Variants in CPNE9 observed in about 807,000 individuals in gnomAD.
CPNE9 encodes the protein copine family member 9.
Under a neutral mutation model 83.0 loss-of-function variants are expected in CPNE9, and 59 were observed. That is an observed-to-expected ratio of 0.71 (90% CI 0.58 to 0.88). The LOEUF (loss-of-function observed/expected upper bound fraction) is 0.88, where lower values mean the gene tolerates loss of function less well. Among genes scored for constraint, CPNE9 ranks in the 40% least tolerant of loss-of-function variants. The pLI, the probability that CPNE9 is intolerant of heterozygous loss-of-function variation, is 0.00. For synonymous variants in CPNE9, 256 were observed against 273.4 expected (o/e 0.94, Z 0.63); for missense variants, 619 against 720.8 (o/e 0.86, Z 1.62).
At chr3:9,724,603 T>C (rs1423255236) in intron 17 of CPNE9, among the ~76,000 whole-genome samples, 2 of 152,190 alleles carry the variant, frequency 1.3e-5, no homozygotes, top group African/African-American at 2.4e-5. Context: ...CTATAGCGCC[T>C]TTTTCCTTGC....
intron 6 of CPNE9, 59 bp from the exon 7 acceptor site, chr3:9,705,928 C>T (rs1000063463): frequency 5.8e-5 from 91 of 1,566,040 alleles, no homozygotes; most frequent in Non-Finnish European, 6.9e-5. Flanking sequence ...ATCACTGGGG[C>T]TAGGCTGGGA....
chr3:9,704,240 AG>A lies in CPNE9; in HGVS notation c.68+177del, dbSNP rs775907962. Among the ~76,000 whole-genome samples, 11 of 152,178 alleles carry A rather than the reference AG, an allele frequency of 7.2e-5. No individual in the cohort carries two copies. Among genetic ancestry groups the A allele is most frequent in the Non-Finnish European group, 1.3e-4 (9 of 68,016 alleles). On this transcript the variant is annotated intron_variant, in intron 1 of 20. Coordinates refer to ENST00000383832, the MANE Select transcript of CPNE9 (RefSeq NM_153635.3). This position sits in a 1 kb window ranked among gnomAD's most constrained non-coding sequence, Gnocchi z 7.1. ...GATCGAGAAGCGGGGGGTCTTGGGC[AG>A]CCCCACCCCGAAAAAAGGGCTCAGC...
At chr3:9,709,857 G>A (rs1008334073) in intron 7 of CPNE9, among the ~76,000 whole-genome samples, 2 of 151,794 alleles carry the variant, frequency 1.3e-5, no homozygotes, top group African/African-American at 2.4e-5. Context: ...GGGCATGGTG[G>A]AGCGTGCCTG....
At chr3:9,715,158 C>T (rs1410158952) in intron 11 of CPNE9, 131 bp from the exon 12 acceptor site, 5 of 1,070,422 alleles carry the variant, frequency 4.7e-6, no homozygotes, top group Non-Finnish European at 6.9e-6. Context: ...GTTTGGCCTC[C>T]CTTATGGCCC....
chr3:9,709,769 C>G (rs1481030206), intron 7 of CPNE9, among the ~76,000 whole-genome samples: 1 of 151,764 alleles, frequency 6.6e-6, no homozygotes, highest in Non-Finnish European at 1.5e-5. Context: ...GCAGGTGTAT[C>G]ACCTGAGGTC....
chr3:9,715,663 C>A, intron 13 of CPNE9, 137 bp downstream of exon 13: 1 of 744,036 alleles, frequency 1.3e-6, no homozygotes, highest in Admixed American at 2.6e-5. Context: ...GCACAAGGAG[C>A]ACCACTTAAG....
rs370511024 is a variant in CPNE9, at chr3:9,704,241, G to A, written c.68+177G>A. 1.3e-5 allele frequency among the ~76,000 whole-genome samples: 2 copies of A among 152,280 alleles called. No individual in the cohort carries two copies. Among genetic ancestry groups the A allele is most frequent in the South Asian group, 2.1e-4 (1 of 4,830 alleles). ...ATCGAGAAGCGGGGGGTCTTGGGCA[G>A]CCCCACCCCGAAAAAAGGGCTCAGC... On this transcript the variant is annotated intron_variant, in intron 1 of 20. Coordinates refer to ENST00000383832, the MANE Select transcript of CPNE9 (RefSeq NM_153635.3). The surrounding 1 kb of genome is among the most constrained non-coding windows in gnomAD (Gnocchi z 7.1).
intron 11 of CPNE9, 130 bp downstream of exon 11, chr3:9,715,085 T>G: frequency 1.1e-6 from 1 of 945,534 alleles, no homozygotes; most frequent in Admixed American, 2.2e-5. Flanking sequence ...CACCAGTGTC[T>G]TGGGTACAAC....
chr3:9,723,391 G>A (rs537171297), intron 17 of CPNE9, among the ~76,000 whole-genome samples: 2 of 151,894 alleles, frequency 1.3e-5, no homozygotes, highest in Non-Finnish European at 2.9e-5. Context: ...AGAATCCCTT[G>A]AACCCAGGAG....
At chr3:9,713,153 G>C in intron 10 of CPNE9, 74 bp downstream of exon 10, 1 of 1,122,134 alleles carries the variant, frequency 8.9e-7, no homozygotes, top group Non-Finnish European at 1.3e-6. Context: ...AAGAATGATA[G>C]TAGAAGTATC....
At position 9,704,912 on chromosome 3, in the gene CPNE9, G is replaced by C; in HGVS notation, c.178G>C (p.Asp60His). ...CCAGTTCGGACGGACCGAGGTGATT[G>C]ATAACACGCTGAACCCAGACTTCGT... ...WREFGRTEVIDNTLNPDFVRK... is the reference protein window; with the variant it reads ...WREFGRTEVIHNTLNPDFVRK... Residue 60 changes from aspartate (D) to histidine (H), a missense_variant, in exon 4 of 21, where the codon GAT (aspartate) becomes CAT (histidine). Coordinates refer to ENST00000383832, the MANE Select transcript of CPNE9 (RefSeq NM_153635.3). The surrounding 1 kb of genome is among the most constrained non-coding windows in gnomAD (Gnocchi z 7.1). The C allele has an allele frequency of 6.2e-7, 1 of 1,613,406 alleles. No individual in the cohort carries two copies. Among genetic ancestry groups the C allele is most frequent in the South Asian group, 1.1e-5 (1 of 91,030 alleles).
At chr3:9,705,810 A>T in intron 6 of CPNE9, 90 bp downstream of exon 6, 1 of 1,464,942 alleles carries the variant, frequency 6.8e-7, no homozygotes, top group Admixed American at 1.7e-5. Flanking sequence ...CAAGGCAGAG[A>T]TTGCTCGCAG....
Position 9,709,253 on chromosome 3 carries a change from G to A in CPNE9, c.377+3190G>A, listed in dbSNP as rs373455496. Among the ~76,000 whole-genome samples, 274 of 142,746 alleles carry A rather than the reference G, an allele frequency of 1.9e-3. 2 individuals are homozygous for A. The highest frequency in any genetic ancestry group is 0.011 in the East Asian group (50 of 4,638). The allele number at this position is 142,746 out of a possible 152,430, so 93.6% of individuals were successfully genotyped here. On this transcript the variant is annotated intron_variant, in intron 7 of 20. Transcript: ENST00000383832. ...ATCACGCTACTGCACTCCAGCCTGG[G>A]CAACAGAGGGAGACTCCATCTCAAA... is the stretch of plus-strand genomic sequence containing the variant.
In CPNE9 at chr3:9,718,463, A is replaced by T. The variant is rs1446105580; in HGVS notation, c.1114-12A>T. Reference sequence around the variant, plus strand: ...GCATGGGCTCAGCCTGGCAGGGCATATTCTTTGACAGAACAACAATGATGA... The same window carrying T: ...GCATGGGCTCAGCCTGGCAGGGCATTTTCTTTGACAGAACAACAATGATGA... On this transcript the variant is annotated splice_polypyrimidine_tract_variant and intron_variant, in intron 16 of 20. Transcript: ENST00000383832. 6.2e-7 allele frequency: 1 copy of T among 1,611,064 alleles called. No individual in the cohort carries two copies. Among genetic ancestry groups the T allele is most frequent in the Non-Finnish European group, 8.5e-7 (1 of 1,178,378 alleles).
intron 17 of CPNE9, among the ~76,000 whole-genome samples, chr3:9,724,235 A>G (rs1458092671): frequency 6.6e-6 from 1 of 150,876 alleles, no homozygotes; most frequent in Non-Finnish European, 1.5e-5. Flanking sequence ...ACTGGACTCA[A>G]TGACTTCTGA....
chr3:9,717,143 G>T (rs1033437897), intron 15 of CPNE9, 39 bp downstream of exon 15: 3 of 1,608,478 alleles, frequency 1.9e-6, no homozygotes, highest in Non-Finnish European at 1.7e-6. Context: ...AGGTGGGAAG[G>T]CACTTCTAAG....
chr3:9,722,044 A>G (rs941224701), intron 17 of CPNE9, among the ~76,000 whole-genome samples: 5 of 151,740 alleles, frequency 3.3e-5, no homozygotes, highest in Non-Finnish European at 7.4e-5. Context: ...CAGCCTCATG[A>G]GCAGCTGGGA....
At chr3:9,724,174 T>G (rs890463545) in intron 17 of CPNE9, among the ~76,000 whole-genome samples, 2 of 148,734 alleles carry the variant, frequency 1.3e-5, no homozygotes, top group Non-Finnish European at 3.0e-5. Flanking sequence ...ACTACCTTTG[T>G]GCCCTCTCTA....
chr3:9,722,194 G>A (rs2076741172), intron 17 of CPNE9, among the ~76,000 whole-genome samples: 2 of 146,536 alleles, frequency 1.4e-5, no homozygotes, highest in South Asian at 4.2e-4. Context: ...CAAAGTGCTG[G>A]GATTACAGGC....
Sources: gnomAD v4.1 joint callset for allele counts (sites outside exome capture counted in the v4.1 genomes callset) on GRCh38, gnomAD v4.1.1 for gene constraint, Gnocchi (gnomAD v3.1) non-coding constraint, MANE v1.5 for transcripts, NCBI Gene and HGNC (gene_info 2026-07-23, HGNC 2026-07-21) for gene names.